ZMYM2: variants seen among roughly 807,000 people sequenced by gnomAD.
ZMYM2 encodes the protein zinc finger MYM-type protein 2.
Under a neutral mutation model 162.8 loss-of-function variants are expected in ZMYM2, and 56 were observed. The observed-to-expected ratio is 0.34, with a 90% CI of 0.28 to 0.43. The LOEUF (loss-of-function observed/expected upper bound fraction) is 0.43. ZMYM2 is among the 20% of genes least tolerant of loss of function. The pLI is 1.00. For synonymous variants in ZMYM2, 510 were observed against 541.6 expected, an observed-to-expected ratio of 0.94 and a Z score of 0.81; for missense variants, 1,275 against 1,621.8, an observed-to-expected ratio of 0.79 and a Z score of 3.67.
chr13:20,083,789 G>A lies in ZMYM2; in HGVS notation c.3941+13G>A, dbSNP rs1166374891. ...ACTTGTCTAAAAGGTGAGTGTTAAT[G>A]ATACTTAACTTTTAAAAATGTTGGT... On this transcript the variant is annotated intron_variant, in intron 24 of 24. Transcript: ENST00000610343. The A allele has an allele frequency of 1.9e-6, 3 of 1,595,036 alleles. No homozygotes were observed. In the East Asian group the frequency reaches 6.7e-5, roughly 36 times the overall value.
In ZMYM2 at chr13:20,004,118, A is replaced by G. The variant is rs79543376; in HGVS notation, c.1134-956A>G. 4.4e-3 allele frequency among the ~76,000 whole-genome samples: 673 copies of G among 152,338 alleles called. 5 individuals are homozygous for G. Among genetic ancestry groups the G allele is most frequent in the East Asian group, 0.043 (223 of 5,192 alleles). ...TTACAAAGAGCTTAGTGTTCTCTACATGTTTAATAAATTCAAATACTGAAA... is the reference window on the plus strand; with the variant it reads ...TTACAAAGAGCTTAGTGTTCTCTACGTGTTTAATAAATTCAAATACTGAAA... On this transcript the variant is annotated intron_variant, in intron 4 of 24. Transcript: ENST00000610343.
rs898517234 is a variant in ZMYM2 at position 20,054,615 on chromosome 13, G to C, written c.2493+2304G>C. Among the ~76,000 whole-genome samples the C allele has an allele frequency of 3.9e-5, 6 of 152,272 alleles. No individual in the cohort carries two copies. In the South Asian group the frequency reaches 1.2e-3, roughly 32 times the overall value. On this transcript the variant is annotated intron_variant, in intron 14 of 24. Coordinates refer to ENST00000610343, the MANE Select transcript of ZMYM2 (RefSeq NM_197968.4). ...CCTACTTCAGCATACACAGATAACT[G>C]TGTATCCTGCCTATTGACTAAAAAA...
chr13:20,083,875 C>T, intron 24 of ZMYM2, 99 bp downstream of exon 24: 2 of 1,225,040 alleles, frequency 1.6e-6, no homozygotes. Flanking sequence ...TGGATTCTTT[C>T]TCAGATTTCT....
At chr13:20,034,164 A>G (rs1185620515) in intron 10 of ZMYM2, 90 bp from the exon 11 acceptor site, 3 of 1,178,934 alleles carry the variant, frequency 2.5e-6, no homozygotes, top group Admixed American at 7.3e-5. Context: ...TTAAATAGGT[A>G]AATGATTTAA....
intron 1 of ZMYM2, 145 bp downstream of exon 1, chr13:19,958,986 C>A (rs2138991954): frequency 6.6e-6 from 1 of 152,110 alleles, no homozygotes; most frequent in South Asian, 2.1e-4. Flanking sequence ...GAGCCTCCCA[C>A]CGACCCGGGA....
At chr13:20,045,072 A>AAAAAAAAAAT (rs1954639904) in intron 12 of ZMYM2, among the ~76,000 whole-genome samples, 1 of 150,424 alleles carries the variant, frequency 6.6e-6, no homozygotes, top group African/African-American at 2.5e-5. Flanking sequence ...AAAAAAAAAA[A>AAAAAAAAAAT]GCATGTGAAG....
intron 7 of ZMYM2, chr13:20,024,619 TTC>T (rs1207838860): frequency 1.3e-5 from 3 of 224,096 alleles, no homozygotes; most frequent in African/African-American, 4.5e-5. Context: ...ACATTTTATA[TTC>T]TGTTTCATTG....
intron 4 of ZMYM2, among the ~76,000 whole-genome samples, chr13:20,004,244 G>T (rs1307012201): frequency 6.6e-6 from 1 of 151,866 alleles, no homozygotes; most frequent in African/African-American, 2.4e-5. Flanking sequence ...CATCAGTATT[G>T]TCAGTTTTGT....
At chr13:20,028,727 G>T (rs550439964) in intron 9 of ZMYM2, among the ~76,000 whole-genome samples, 89 of 151,856 alleles carry the variant, frequency 5.9e-4, no homozygotes, top group Non-Finnish European at 2.1e-4. Flanking sequence ...TAAATGCTAT[G>T]TAAAGAGTTG....
Position 20,078,542 on chromosome 13 carries a change from C to G in ZMYM2, c.3454-3474C>G, listed in dbSNP as rs1036918429. Among the ~76,000 whole-genome samples, 201 of 152,276 alleles carry G rather than the reference C, an allele frequency of 1.3e-3. 1 individual carries two copies. Among genetic ancestry groups the G allele is most frequent in the East Asian group, 1.7e-3 (9 of 5,184 alleles). On this transcript the variant is annotated intron_variant, in intron 21 of 24. Transcript: ENST00000610343. ...TCTAAAATACATGCTTTTCAACTCT[C>G]TGTTAGCTGTGTTTTATGAGATTTT...
chr13:19,937,508 A>G, the ZMYM2 span, among the ~76,000 whole-genome samples: 1 of 147,288 alleles, frequency 6.8e-6, no homozygotes, highest in African/African-American at 2.5e-5. Flanking sequence ...ATGTCGCTCA[A>G]GCTTGAGTGC....
At chr13:19,908,286 TCAAACAAA>T in the ZMYM2 span, among the ~76,000 whole-genome samples, 1 of 151,868 alleles carries the variant, frequency 6.6e-6, no homozygotes, top group East Asian at 1.9e-4. Context: ...AGATTCTGTC[TCAAACAAA>T]CAAACAAACA....
At chr13:19,914,552 C>G in the ZMYM2 span, among the ~76,000 whole-genome samples, 2 of 152,230 alleles carry the variant, frequency 1.3e-5, no homozygotes, top group Non-Finnish European at 2.9e-5. Flanking sequence ...GAATGGATTC[C>G]TTTCACCATG....
chr13:20,033,625 C>T (rs971953443), intron 10 of ZMYM2, among the ~76,000 whole-genome samples: 1 of 152,172 alleles, frequency 6.6e-6, no homozygotes, highest in African/African-American at 2.4e-5. Flanking sequence ...GAAAAGCTGC[C>T]TCCCTGGAAG....
At chr13:19,899,832 A>G in the ZMYM2 span, among the ~76,000 whole-genome samples, 3 of 150,750 alleles carry the variant, frequency 2.0e-5, no homozygotes, top group African/African-American at 4.9e-5. Context: ...AAAAAAAAAA[A>G]AAAAAAGGAA....
intron 2 of ZMYM2, among the ~76,000 whole-genome samples, chr13:19,984,001 T>A (rs962493511): frequency 4.6e-5 from 7 of 152,224 alleles, no homozygotes; most frequent in African/African-American, 1.7e-4. Context: ...GAATACATAC[T>A]GACTTATAAT....
At chr13:19,870,573 T>TCCTTCCTTC in the ZMYM2 span, among the ~76,000 whole-genome samples, 110 of 136,388 alleles carry the variant, frequency 8.1e-4, no homozygotes, top group African/African-American at 3.0e-3. Flanking sequence ...CTTCCTTCCT[T>TCCTTCCTTC]CTTTCCTTTC....
intron 2 of ZMYM2, among the ~76,000 whole-genome samples, chr13:19,964,731 C>A (rs1043839070): frequency 3.3e-5 from 5 of 150,370 alleles, no homozygotes; most frequent in African/African-American, 1.2e-4. Flanking sequence ...TTTTTTTTCT[C>A]TCTAAGTGTT....
chr13:19,887,883 ATT>A, the ZMYM2 span, among the ~76,000 whole-genome samples: 8 of 142,536 alleles, frequency 5.6e-5, no homozygotes, highest in Middle Eastern at 3.5e-3. Context: ...CCTTCAAGTA[ATT>A]TTTTTTTTTT....
Sources: allele counts gnomAD v4.1 joint callset (sites outside exome capture counted in the v4.1 genomes callset), GRCh38; gene constraint gnomAD v4.1.1; transcripts MANE v1.5; gene names NCBI Gene and HGNC (gene_info 2026-07-23, HGNC 2026-07-21).